The following CSTPP1 variants were observed in gnomAD, a reference collection of about 807,000 sequenced individuals.
The protein encoded by CSTPP1 is centriolar satellite-associated tubulin polyglutamylase complex regulator 1, also known as UPF0705 protein C11orf49.
chr11:47,055,376 T>TC, the CSTPP1 span, among the ~76,000 whole-genome samples: 47 of 127,810 alleles, frequency 3.7e-4, no homozygotes, highest in African/African-American at 1.3e-3. Context: ...CTTCCTTCCT[T>TC]CCCCTCCCCT....
At chr11:46,992,029 T>C in the CSTPP1 span, among the ~76,000 whole-genome samples, 1 of 152,078 alleles carries the variant, frequency 6.6e-6, no homozygotes, top group African/African-American at 2.4e-5. Flanking sequence ...GTGTGAGCCA[T>C]TTGTGCCCGG....
chr11:47,020,554 G>A, the CSTPP1 span, among the ~76,000 whole-genome samples: 1 of 152,116 alleles, frequency 6.6e-6, no homozygotes, highest in African/African-American at 2.4e-5. Flanking sequence ...ATAGGAGCTG[G>A]AGAGCTGTTC....
chr11:47,160,415 G>C, the CSTPP1 span: 2 of 152,098 alleles, frequency 1.3e-5, no homozygotes, highest in Non-Finnish European at 2.9e-5. Flanking sequence ...GGCCTCACCT[G>C]CATCTCCAGC....
chr11:46,979,395 T>C, the CSTPP1 span, among the ~76,000 whole-genome samples: 1 of 152,122 alleles, frequency 6.6e-6, no homozygotes, highest in African/African-American at 2.4e-5. Context: ...TTCTGGAAAA[T>C]AGTTATGTGA....
At chr11:47,115,664 T>G in the CSTPP1 span, among the ~76,000 whole-genome samples, 1 of 152,200 alleles carries the variant, frequency 6.6e-6, no homozygotes, top group Middle Eastern at 3.2e-3. Flanking sequence ...GATATCCCCT[T>G]TAACATTTTT....
the CSTPP1 span, chr11:47,137,717 A>G: frequency 6.2e-7 from 1 of 1,614,182 alleles, no homozygotes; most frequent in Non-Finnish European, 8.5e-7. Context: ...GAGCTCACTC[A>G]GAAAGCAGCC....
chr11:47,066,463 G>A, the CSTPP1 span, among the ~76,000 whole-genome samples: 1 of 152,032 alleles, frequency 6.6e-6, no homozygotes, highest in African/African-American at 2.4e-5. Context: ...CCCCGAGATG[G>A]AATGAGATGT....
the CSTPP1 span, among the ~76,000 whole-genome samples, chr11:47,087,259 A>G: frequency 3.3e-5 from 5 of 152,320 alleles, no homozygotes; most frequent in South Asian, 4.1e-4. Context: ...CTAAAAAGAA[A>G]TGGTATAATA....
chr11:47,026,869 C>A, the CSTPP1 span, among the ~76,000 whole-genome samples: 2 of 152,074 alleles, frequency 1.3e-5, no homozygotes, highest in Non-Finnish European at 2.9e-5. Flanking sequence ...CAGAGGAAGA[C>A]CCTGTCTCAA....
the CSTPP1 span, among the ~76,000 whole-genome samples, chr11:47,069,365 G>A: frequency 6.6e-6 from 1 of 152,178 alleles, no homozygotes; most frequent in Non-Finnish European, 1.5e-5. Flanking sequence ...GTGTCATTTA[G>A]TCTCTGAGAT....
At chr11:46,942,264 G>A in the CSTPP1 span, among the ~76,000 whole-genome samples, 1 of 152,162 alleles carries the variant, frequency 6.6e-6, no homozygotes, top group Non-Finnish European at 1.5e-5. Flanking sequence ...TGTAGGACCC[G>A]CAAAAGGTTT....
At chr11:46,980,241 C>A in the CSTPP1 span, among the ~76,000 whole-genome samples, 3 of 152,076 alleles carry the variant, frequency 2.0e-5, no homozygotes, top group African/African-American at 7.2e-5. Flanking sequence ...GTTTTTCATC[C>A]TCTACTTAAC....
At chr11:47,150,883 GTTT>G in the CSTPP1 span, among the ~76,000 whole-genome samples, 13 of 60,556 alleles carry the variant, frequency 2.1e-4, no homozygotes, top group East Asian at 5.8e-4. Flanking sequence ...GACTGTGAAG[GTTT>G]TTTTTTTTTT....
At chr11:47,011,611 A>G in the CSTPP1 span, among the ~76,000 whole-genome samples, 1 of 152,242 alleles carries the variant, frequency 6.6e-6, no homozygotes, top group Non-Finnish European at 1.5e-5. Context: ...GAGGTAGGCC[A>G]TGTATCCATC....
the CSTPP1 span, chr11:47,161,787 CTGA>C: frequency 1.4e-5 from 20 of 1,417,586 alleles, no homozygotes; most frequent in Non-Finnish European, 1.8e-5. Context: ...CAGAGGGGCT[CTGA>C]TGATCAGCCC....
At chr11:47,016,506 T>C in the CSTPP1 span, among the ~76,000 whole-genome samples, 1 of 151,994 alleles carries the variant, frequency 6.6e-6, no homozygotes, top group Non-Finnish European at 1.5e-5. Context: ...AAAGAACAAT[T>C]GGAAATTTAA....
the CSTPP1 span, among the ~76,000 whole-genome samples, chr11:47,066,102 T>G: frequency 0.24 from 8,252 of 33,968 alleles, 378 homozygotes; most frequent in African/African-American, 0.41. Flanking sequence ...GGTTTTTTTT[T>G]TTTTTTTTTT....
chr11:46,991,281 G>A, the CSTPP1 span, among the ~76,000 whole-genome samples: 51 of 149,656 alleles, frequency 3.4e-4, no homozygotes, highest in Non-Finnish European at 5.8e-4. Flanking sequence ...TTGGGTTTCT[G>A]TTAGGGGAAT....
At chr11:47,083,958 G>A in the CSTPP1 span, among the ~76,000 whole-genome samples, 1 of 152,028 alleles carries the variant, frequency 6.6e-6, no homozygotes, top group Admixed American at 6.6e-5. Context: ...ATTTATCTTG[G>A]GTAAATACCT....
Sources: allele counts gnomAD v4.1 joint callset (sites outside exome capture counted in the v4.1 genomes callset), GRCh38; gene constraint gnomAD v4.1.1; transcripts MANE v1.5; gene names NCBI Gene and HGNC (gene_info 2026-07-23, HGNC 2026-07-21).